Variants in SLFN12L observed in about 807,000 individuals in gnomAD.
SLFN12L encodes the protein schlafen family member 12 like, also known as schlafen family member 12-like.
A neutral mutation model predicts 34.8 loss-of-function variants in SLFN12L; 34 were observed. That is an observed-to-expected ratio of 0.98 (90% confidence interval 0.74 to 1.30). The LOEUF (loss-of-function observed/expected upper bound fraction) is 1.30, where lower values mean the gene tolerates loss of function less well. Ranked by LOEUF, SLFN12L falls within the 50% of genes most tolerant of loss-of-function variation. SLFN12L has a pLI of 0.00. For missense variants in SLFN12L, 703 were observed against 696.2 expected, an observed-to-expected ratio of 1.01 and a Z score of -0.11; for synonymous variants, 259 against 247.5, an observed-to-expected ratio of 1.05 and a Z score of -0.44.
intron 1 of SLFN12L, among the ~76,000 whole-genome samples, 168 bp from the exon 2 acceptor site, chr17:35,523,137 T>G (rs557674821): frequency 3.9e-5 from 6 of 152,368 alleles, no homozygotes; most frequent in African/African-American, 1.4e-4. Context: ...CTTTGAAATA[T>G]CTGGTAAATC....
chr17:35,491,150 T>G, intron 2 of SLFN12L: 1 of 805,028 alleles, frequency 1.2e-6, no homozygotes, highest in African/African-American at 1.7e-5. Flanking sequence ...CTGCTCCTCC[T>G]GAGCCTCGGG....
At position 35,479,566 on chromosome 17, in the gene SLFN12L, G is replaced by A. The variant is rs898436845; in HGVS notation, c.716C>T (p.Thr239Ile). 6.2e-7 allele frequency: 1 copy of A among 1,613,630 alleles called. No homozygotes were observed. Among genetic ancestry groups the A allele is most frequent in the African/African-American group, 1.3e-5 (1 of 74,858 alleles). Residue 239 changes from threonine to isoleucine, a missense_variant, in exon 3 of 5, where the codon ACC (threonine) becomes ATC (isoleucine). By Grantham distance (89) the Thr-to-Ile change is moderately conservative (BLOSUM62 -1). Coordinates refer to ENST00000628453, the MANE Select transcript of SLFN12L (RefSeq NM_001363830.2). ...TTCAACGTGTGTGGATTCAGTAAAG[G>A]TCAATTTTTCTTTATAACCAAGTTC... ...RTELGYKEKL[T>I]FTESTHVEIK...
intron 1 of SLFN12L, among the ~76,000 whole-genome samples, chr17:35,531,847 ATGGTCGTGAAATCCTGACCTCAGG>A (rs1245615863): frequency 6.6e-6 from 1 of 151,762 alleles, no homozygotes; most frequent in East Asian, 1.9e-4. Context: ...GTTGGCCAGG[ATGGTCGTGAAATCCTGACCTCAGG>A]TGATCCACCC....
chr17:35,498,789 A>G (rs938240652), intron 2 of SLFN12L: 4 of 954,764 alleles, frequency 4.2e-6, no homozygotes, highest in Non-Finnish European at 6.5e-6. Flanking sequence ...CAAAATGTTT[A>G]TCTTACTTAT....
At chr17:35,490,079 G>C (rs1451564417) in intron 2 of SLFN12L, 3 of 1,606,702 alleles carry the variant, frequency 1.9e-6, no homozygotes, top group South Asian at 2.2e-5. Flanking sequence ...CGTAGCCACC[G>C]GCCCCCTCCT....
Position 35,522,664 on chromosome 17 carries a change from T to C in SLFN12L, c.-300A>G. 1.9e-6 allele frequency: 3 copies of C among 1,614,108 alleles called. No individual in the cohort carries two copies. In the South Asian group the frequency reaches 3.3e-5, roughly 18 times the overall value. Reference sequence around the variant, plus strand: ...GCTCTCAGGACTCAGGCAGAGGACCTTGGCCCTGACACACACCTCCCCAGT... The same window carrying C: ...GCTCTCAGGACTCAGGCAGAGGACCCTGGCCCTGACACACACCTCCCCAGT... On this transcript the variant is annotated 5_prime_UTR_variant, in exon 2 of 5. Coordinates refer to ENST00000628453, the MANE Select transcript of SLFN12L (RefSeq NM_001363830.2).
In SLFN12L at chr17:35,530,529, A is replaced by G. The variant is rs2072399733; in HGVS notation, c.-606+7044T>C. On this transcript the variant is annotated intron_variant, in intron 1 of 4. Transcript: ENST00000628453. ...GAAAGAAAGAAAAGAAAAGAAAAGA[A>G]AAGAAAAGAAAAGAAAGAAAGAAAG... Among the ~76,000 whole-genome samples the G allele has an allele frequency of 4.2e-5, 2 of 48,130 alleles. 1 individual carries two copies. The highest frequency in any genetic ancestry group is 1.2e-4 in the Non-Finnish European group (2 of 17,326). 31.6% of individuals were successfully genotyped at this position (48,130 alleles called of 152,430 possible). A position where few individuals can be genotyped will look rare whatever the true frequency, so the allele number is the denominator to read the frequency against.
At chr17:35,493,129 A>T (rs986717602) in intron 2 of SLFN12L, among the ~76,000 whole-genome samples, 1 of 152,124 alleles carries the variant, frequency 6.6e-6, no homozygotes, top group African/African-American at 2.4e-5. Flanking sequence ...AAGAAAAACG[A>T]AGGTGCAGAC....
chr17:35,533,275 GA>G (rs1270816851), intron 1 of SLFN12L, among the ~76,000 whole-genome samples: 1 of 152,142 alleles, frequency 6.6e-6, no homozygotes, highest in Non-Finnish European at 1.5e-5. Context: ...CTCAATTGTT[GA>G]AATTGCTCTC....
chr17:35,505,910 G>A (rs1294821917), intron 2 of SLFN12L, among the ~76,000 whole-genome samples: 1 of 152,198 alleles, frequency 6.6e-6, no homozygotes, highest in Non-Finnish European at 1.5e-5. Context: ...ACTGAGGACT[G>A]TTCCCAGTGT....
intron 2 of SLFN12L, chr17:35,514,839 G>A (rs1387548108): frequency 1.0e-5 from 4 of 395,490 alleles, no homozygotes; most frequent in Admixed American, 4.1e-5. Context: ...TTTGTCAGAA[G>A]CATCTGGATC....
At chr17:35,523,228 GA>G (rs1041816345) in intron 1 of SLFN12L, among the ~76,000 whole-genome samples, 1 of 152,194 alleles carries the variant, frequency 6.6e-6, no homozygotes, top group African/African-American at 2.4e-5. Context: ...ACAAAACTAA[GA>G]ATAGCACATT....
intron 1 of SLFN12L, among the ~76,000 whole-genome samples, chr17:35,526,362 T>C (rs1157225966): frequency 6.6e-6 from 1 of 152,178 alleles, no homozygotes; most frequent in Non-Finnish European, 1.5e-5. Context: ...GCGGATCTAA[T>C]AGACATCTAC....
intron 2 of SLFN12L, among the ~76,000 whole-genome samples, chr17:35,505,063 G>C (rs1449347423): frequency 6.6e-6 from 1 of 152,172 alleles, no homozygotes; most frequent in Non-Finnish European, 1.5e-5. Flanking sequence ...AGTCCCATGA[G>C]GAATACCAGA....
intron 1 of SLFN12L, among the ~76,000 whole-genome samples, chr17:35,527,570 T>C (rs1410643735): frequency 1.3e-5 from 2 of 152,140 alleles, no homozygotes; most frequent in East Asian, 3.8e-4. Flanking sequence ...ATAAACGTAA[T>C]CCATCACATA....
chr17:35,476,033 G>A (rs984922341), intron 4 of SLFN12L, among the ~76,000 whole-genome samples: 8 of 151,766 alleles, frequency 5.3e-5, no homozygotes, highest in African/African-American at 1.9e-4. Flanking sequence ...CTTTAATACA[G>A]AAGAATCACA....
intron 2 of SLFN12L, among the ~76,000 whole-genome samples, chr17:35,491,706 G>T (rs1914845261): frequency 6.6e-6 from 1 of 152,240 alleles, no homozygotes. Context: ...GATATGGAAT[G>T]GAACTGCAGC....
Position 35,478,138 on chromosome 17 carries a change from G to T in SLFN12L, c.1213C>A (p.Gln405Lys). 1 of 1,545,516 alleles carries T rather than the reference G, an allele frequency of 6.5e-7. No homozygotes were observed. Among genetic ancestry groups the T allele is most frequent in the Non-Finnish European group, 8.8e-7 (1 of 1,141,944 alleles). ...SPASTSSPVS[Q>K]SYPLREYINF... The stretch of plus-strand genomic sequence containing the variant: ...ATATATTCACGAAGAGGATAACTCT[G>T]GGAGACAGGTGATGATGTACTTGCT... The change falls in exon 4 of 5, where the codon CAG becomes AAG. Residue 405 changes from glutamine (Q) to lysine (K), a missense_variant. Gln to Lys is a moderately conservative substitution (Grantham distance 53). Coordinates refer to ENST00000628453, the MANE Select transcript of SLFN12L (RefSeq NM_001363830.2).
intron 1 of SLFN12L, among the ~76,000 whole-genome samples, chr17:35,528,691 C>T (rs533409966): frequency 2.6e-5 from 4 of 152,228 alleles, no homozygotes; most frequent in African/African-American, 9.6e-5. Context: ...CAAAAATTAA[C>T]TCAAGATGGA....
Sources: gnomAD v4.1 joint callset for allele counts (sites outside exome capture counted in the v4.1 genomes callset) on GRCh38, gnomAD v4.1.1 for gene constraint, MANE v1.5 for transcripts, NCBI Gene and HGNC (gene_info 2026-07-23, HGNC 2026-07-21) for gene names.